Variants in ERI3 observed in about 807,000 individuals in gnomAD.
The protein encoded by ERI3 is ERI1 exoribonuclease family member 3, also known as ERI1 exoribonuclease 3.
A neutral mutation model predicts 44.4 loss-of-function variants in ERI3; 18 were observed. The observed-to-expected ratio is 0.41, with a 90% CI of 0.28 to 0.60. The LOEUF (loss-of-function observed/expected upper bound fraction) is 0.60, where lower values mean the gene tolerates loss of function less well. ERI3 is among the 20% of genes least tolerant of loss of function. ERI3 has a pLI of 0.36. For synonymous variants in ERI3, 183 were observed against 164.8 expected (o/e 1.11, Z -0.84); for missense variants, 294 against 435.5 (o/e 0.68, Z 2.89).
At chr1:44,242,220 G>A (rs1441354734) in intron 8 of ERI3, 1 of 908,000 alleles carries the variant, frequency 1.1e-6, no homozygotes, top group African/African-American at 1.8e-5. Context: ...TTCCCCACAA[G>A]GCAGCTGGGC....
intron 3 of ERI3, among the ~76,000 whole-genome samples, chr1:44,334,287 G>C (rs747772720): frequency 1.3e-5 from 2 of 152,202 alleles, no homozygotes; most frequent in African/African-American, 2.4e-5. Context: ...CACTGAGGTG[G>C]TGAGTGAACT....
rs60192180 is a variant in ERI3, at chr1:44,267,383, A to G, written c.831+17452T>C. Reference sequence around the variant, plus strand: ...CTCATTCTCCCAACCCCCAATTCCTATGGGCCTCTCCTCCCCTCCTTCTTC... The same window carrying G: ...CTCATTCTCCCAACCCCCAATTCCTGTGGGCCTCTCCTCCCCTCCTTCTTC... On this transcript the variant is annotated intron_variant, in intron 7 of 8. Coordinates refer to ENST00000372257, the MANE Select transcript of ERI3 (RefSeq NM_024066.3). 3.5e-3 allele frequency among the ~76,000 whole-genome samples: 532 copies of G among 152,166 alleles called. 4 individuals carry two copies. The highest frequency in any genetic ancestry group is 0.012 in the African/African-American group (510 of 41,508).
chr1:44,314,640 A>C (rs1275571031), intron 4 of ERI3, among the ~76,000 whole-genome samples: 1 of 152,184 alleles, frequency 6.6e-6, no homozygotes, highest in Non-Finnish European at 1.5e-5. Context: ...AAAGAGAAGA[A>C]AAGATGGTCC....
chr1:44,311,159 C>T (rs2154328080), intron 5 of ERI3, among the ~76,000 whole-genome samples: 1 of 152,184 alleles, frequency 6.6e-6, no homozygotes, highest in South Asian at 2.1e-4. Context: ...TAGAGGGGCT[C>T]CCCAGTGCCC....
intron 7 of ERI3, among the ~76,000 whole-genome samples, chr1:44,265,088 G>A (rs966943518): frequency 6.6e-6 from 1 of 152,126 alleles, no homozygotes; most frequent in East Asian, 1.9e-4. Context: ...CCTCCCGCAA[G>A]CATCCTCTCA....
intron 4 of ERI3, among the ~76,000 whole-genome samples, chr1:44,317,323 G>T (rs1470289535): frequency 6.6e-6 from 1 of 152,166 alleles, no homozygotes; most frequent in Non-Finnish European, 1.5e-5. Flanking sequence ...GGCACCAACT[G>T]CCAGGTTGGA....
intron 7 of ERI3, among the ~76,000 whole-genome samples, chr1:44,251,368 G>A (rs149072045): frequency 5.3e-5 from 8 of 152,292 alleles, no homozygotes; most frequent in East Asian, 1.9e-4. Flanking sequence ...CCCTCCATTC[G>A]CCCTCCTTAA....
At chr1:44,331,836 G>T (rs12402596) in intron 3 of ERI3, among the ~76,000 whole-genome samples, 1,526 of 152,148 alleles carry the variant, frequency 0.01, 61 homozygotes, top group Admixed American at 0.079. Flanking sequence ...GCCCTTTCTG[G>T]TCTCCTGAAT....
At chr1:44,237,035 C>T (rs769599153) in intron 8 of ERI3, among the ~76,000 whole-genome samples, 15 of 152,138 alleles carry the variant, frequency 9.9e-5, no homozygotes, top group Non-Finnish European at 2.1e-4. Context: ...GGCATTAACC[C>T]TCAAATGGGC....
chr1:44,278,175 C>T (rs969834900), intron 7 of ERI3, among the ~76,000 whole-genome samples: 2 of 152,150 alleles, frequency 1.3e-5, no homozygotes, highest in East Asian at 1.9e-4. Flanking sequence ...GATGCTAAAT[C>T]TTCATCAGAA....
At chr1:44,240,910 T>C (rs1313373709) in intron 8 of ERI3, among the ~76,000 whole-genome samples, 4 of 152,048 alleles carry the variant, frequency 2.6e-5, no homozygotes, top group Non-Finnish European at 5.9e-5. Flanking sequence ...AGCCAAAGCA[T>C]AGGGAGGGAT....
rs558803566 is a variant in ERI3, at chr1:44,333,764, C to T, written c.489+5281G>A. 1.2e-3 allele frequency among the ~76,000 whole-genome samples: 185 copies of T among 152,276 alleles called. 1 individual carries two copies. Among genetic ancestry groups the T allele is most frequent in the Non-Finnish European group, 1.7e-3 (116 of 68,020 alleles). ...AATGATGTGGCAACTCTAGGTCACA[C>T]GGAAACCCTCCGAATCTCTTCTACA... is the stretch of plus-strand genomic sequence containing the variant. On this transcript the variant is annotated intron_variant, in intron 3 of 8. Coordinates refer to ENST00000372257, the MANE Select transcript of ERI3 (RefSeq NM_024066.3).
intron 6 of ERI3, among the ~76,000 whole-genome samples, chr1:44,297,810 G>T (rs570310123): frequency 6.6e-6 from 1 of 152,362 alleles, no homozygotes; most frequent in Non-Finnish European, 1.5e-5. Context: ...GGCATGGAAA[G>T]TTGGAGATTA....
chr1:44,271,947 T>C (rs1345559991), intron 7 of ERI3, among the ~76,000 whole-genome samples: 1 of 152,186 alleles, frequency 6.6e-6, no homozygotes, highest in Non-Finnish European at 1.5e-5. Context: ...TTGCCAATGC[T>C]CACATGAACT....
At chr1:44,223,898 T>C (rs951264545) in intron 8 of ERI3, among the ~76,000 whole-genome samples, 4 of 152,020 alleles carry the variant, frequency 2.6e-5, no homozygotes, top group African/African-American at 9.7e-5. Flanking sequence ...GGACAGCTCA[T>C]AGGCTCTACA....
At chr1:44,280,880 A>G (rs558807966) in intron 7 of ERI3, among the ~76,000 whole-genome samples, 2 of 152,308 alleles carry the variant, frequency 1.3e-5, no homozygotes, top group East Asian at 3.9e-4. Flanking sequence ...TGCCACCTTC[A>G]CTACATTTTA....
intron 7 of ERI3, among the ~76,000 whole-genome samples, chr1:44,248,874 T>C (rs1185703339): frequency 7.2e-5 from 11 of 152,042 alleles, no homozygotes; most frequent in Admixed American, 4.6e-4. Context: ...CAGCACTCCA[T>C]TGCCCCCCCT....
intron 5 of ERI3, among the ~76,000 whole-genome samples, chr1:44,309,754 G>A (rs954143204): frequency 3.3e-5 from 5 of 151,858 alleles, no homozygotes; most frequent in Non-Finnish European, 7.4e-5. Context: ...TAGTAGAGAC[G>A]GGGTTTCACC....
intron 8 of ERI3, among the ~76,000 whole-genome samples, chr1:44,239,066 T>G: frequency 7.4e-6 from 1 of 134,908 alleles, no homozygotes; most frequent in Non-Finnish European, 1.6e-5. Flanking sequence ...CACTCCCTGG[T>G]CACTACCAAC....
Sources: allele counts gnomAD v4.1 joint callset (sites outside exome capture counted in the v4.1 genomes callset), GRCh38; gene constraint gnomAD v4.1.1; transcripts MANE v1.5; gene names NCBI Gene and HGNC (gene_info 2026-07-23, HGNC 2026-07-21).